The following GRID2 variants were observed in gnomAD, a reference collection of about 807,000 sequenced individuals.
The protein encoded by GRID2 is glutamate receptor ionotropic, delta-2.
Under a neutral mutation model 114.8 loss-of-function variants are expected in GRID2, and 33 were observed. The ratio of observed to expected loss-of-function variants is 0.29; its 90% CI spans 0.22 to 0.38. The LOEUF (loss-of-function observed/expected upper bound fraction) is 0.38, where lower values mean the gene tolerates loss of function less well. Among genes scored for constraint, GRID2 ranks in the 10% least tolerant of loss-of-function variants. The pLI is 1.00. For missense variants in GRID2, 1,184 were observed against 1,257.7 expected, an observed-to-expected ratio of 0.94 and a Z score of 0.89; for synonymous variants, 505 against 449.9, an observed-to-expected ratio of 1.12 and a Z score of -1.55.
At chr4:93,368,415 T>G (rs1002205450) in intron 8 of GRID2, among the ~76,000 whole-genome samples, 2 of 150,512 alleles carry the variant, frequency 1.3e-5, no homozygotes, top group Non-Finnish European at 2.9e-5. Context: ...AGTTTTTTTT[T>G]ATTATACTTT....
intron 1 of GRID2, among the ~76,000 whole-genome samples, chr4:92,555,065 G>A (rs1726783920): frequency 6.6e-6 from 1 of 152,094 alleles, no homozygotes; most frequent in African/African-American, 2.4e-5. Flanking sequence ...TGATTTTCAG[G>A]GTGGGATCCA....
chr4:92,592,178 T>G (rs978111057), intron 2 of GRID2, among the ~76,000 whole-genome samples: 1 of 152,110 alleles, frequency 6.6e-6, no homozygotes. Context: ...TATTTTTCTT[T>G]CTTAACTCTT....
At chr4:93,079,127 A>G (rs1729625752) in intron 2 of GRID2, among the ~76,000 whole-genome samples, 1 of 151,556 alleles carries the variant, frequency 6.6e-6, no homozygotes, top group African/African-American at 2.4e-5. Flanking sequence ...CCATTTTTTA[A>G]ACTCCAAACA....
intron 1 of GRID2, among the ~76,000 whole-genome samples, chr4:92,427,491 T>C (rs1732217116): frequency 6.6e-6 from 1 of 152,182 alleles, no homozygotes; most frequent in African/African-American, 2.4e-5. Context: ...CCATCTCAGA[T>C]GTTATATAGA....
intron 2 of GRID2, among the ~76,000 whole-genome samples, chr4:92,979,303 T>C (rs2149184638): frequency 6.6e-6 from 1 of 152,172 alleles, no homozygotes; most frequent in Middle Eastern, 3.4e-3. Context: ...ATGTGGATAC[T>C]AGATATTTAA....
intron 14 of GRID2, among the ~76,000 whole-genome samples, chr4:93,707,840 C>T (rs1475156823): frequency 1.3e-5 from 2 of 151,650 alleles, no homozygotes; most frequent in African/African-American, 4.8e-5. Context: ...GTAAATCTTC[C>T]TCTTAGTATT....
intron 1 of GRID2, among the ~76,000 whole-genome samples, chr4:92,379,130 A>T (rs1363313826): frequency 6.6e-6 from 1 of 152,014 alleles, no homozygotes; most frequent in Non-Finnish European, 1.5e-5. Context: ...AACTAAATTT[A>T]TTATTCAAAT....
At chr4:93,313,262 G>C (rs572600799) in intron 8 of GRID2, among the ~76,000 whole-genome samples, 1 of 152,246 alleles carries the variant, frequency 6.6e-6, no homozygotes, top group East Asian at 1.9e-4. Context: ...AGGGAGCAGA[G>C]AGAACTGCCA....
chr4:92,655,214 A>G (rs902309510), intron 2 of GRID2, among the ~76,000 whole-genome samples: 23 of 151,700 alleles, frequency 1.5e-4, no homozygotes, highest in African/African-American at 5.6e-4. Context: ...ATGTGGGTTT[A>G]TTTCTGGGTT....
At chr4:93,357,666 TTTG>T (rs1761479323) in intron 8 of GRID2, among the ~76,000 whole-genome samples, 2 of 151,662 alleles carry the variant, frequency 1.3e-5, no homozygotes, top group Middle Eastern at 3.5e-3. Context: ...TACAAAATAT[TTTG>T]TTATTTTGCA....
At chr4:93,145,852 G>GCA (rs1381192605) in intron 4 of GRID2, among the ~76,000 whole-genome samples, 3 of 102,668 alleles carry the variant, frequency 2.9e-5, no homozygotes, top group Non-Finnish European at 5.7e-5. Flanking sequence ...ATTTGTGCAT[G>GCA]CACACACACA....
intron 1 of GRID2, among the ~76,000 whole-genome samples, chr4:93,783,951 A>G (rs891836892): frequency 1.3e-5 from 2 of 149,384 alleles, no homozygotes; most frequent in South Asian, 2.2e-4. Context: ...GGGCGCCTGT[A>G]GTCCCAGCTA....
chr4:93,223,030 G>C (rs1269567387), intron 6 of GRID2, among the ~76,000 whole-genome samples: 1 of 152,136 alleles, frequency 6.6e-6, no homozygotes, highest in Non-Finnish European at 1.5e-5. Context: ...ACCAGGAGGG[G>C]TTAGGAAAGG....
intron 2 of GRID2, among the ~76,000 whole-genome samples, chr4:92,923,886 A>G (rs138791464): frequency 0.042 from 6,418 of 152,222 alleles, 213 homozygotes; most frequent in East Asian, 0.14. Context: ...TGACCCAGCA[A>G]TCTGATTACT....
chr4:93,738,639 C>G (rs1024350750), intron 14 of GRID2, among the ~76,000 whole-genome samples: 3 of 151,994 alleles, frequency 2.0e-5, no homozygotes, highest in Non-Finnish European at 4.4e-5. Flanking sequence ...GAAGGAGACT[C>G]CATTTATGGT....
intron 2 of GRID2, among the ~76,000 whole-genome samples, chr4:92,658,215 A>G (rs549650261): frequency 1.3e-5 from 2 of 151,834 alleles, no homozygotes; most frequent in Non-Finnish European, 2.9e-5. Flanking sequence ...AAGTAGATTT[A>G]CTCATTATTT....
chr4:93,737,650 A>G lies in GRID2; in HGVS notation c.2361-31560A>G, dbSNP rs115090697. ...CAGATTATTTAGGTCAGTAAATAGT[A>G]CATTTCCCCCTGCAAAGACACTTGT... is the stretch of plus-strand genomic sequence containing the variant. On this transcript the variant is annotated intron_variant, in intron 14 of 15. Coordinates refer to ENST00000282020, the MANE Select transcript of GRID2 (RefSeq NM_001510.4). Among the ~76,000 whole-genome samples the G allele has an allele frequency of 9.2e-3, 1,396 of 152,286 alleles. 28 individuals are homozygous for G. Among genetic ancestry groups the G allele is most frequent in the African/African-American group, 0.032 (1,319 of 41,576 alleles).
chr4:93,076,399 T>G (rs1729303027), intron 2 of GRID2, among the ~76,000 whole-genome samples: 1 of 152,114 alleles, frequency 6.6e-6, no homozygotes, highest in Non-Finnish European at 1.5e-5. Context: ...ATGATGACAT[T>G]GGAAGTTTTA....
At chr4:92,411,034 A>G (rs1204582543) in intron 1 of GRID2, among the ~76,000 whole-genome samples, 1 of 152,104 alleles carries the variant, frequency 6.6e-6, no homozygotes, top group Non-Finnish European at 1.5e-5. Flanking sequence ...GGATTTCAGG[A>G]TTATAGCTAA....
Sources: allele counts gnomAD v4.1 joint callset (sites outside exome capture counted in the v4.1 genomes callset), GRCh38; gene constraint gnomAD v4.1.1; transcripts MANE v1.5; gene names NCBI Gene and HGNC (gene_info 2026-07-23, HGNC 2026-07-21).